Variants in HIBCH observed in about 807,000 individuals in gnomAD.
HIBCH encodes the protein 3-hydroxyisobutyryl-CoA hydrolase, mitochondrial.
In HIBCH, 50 loss-of-function variants were observed where a neutral mutation model predicts 58.2. That is an observed-to-expected ratio of 0.86 (90% CI 0.68 to 1.09). The LOEUF (loss-of-function observed/expected upper bound fraction) is 1.09, where lower values mean the gene tolerates loss of function less well. Ranked by LOEUF, HIBCH falls within the 50% of genes least tolerant of loss-of-function variation. The probability of loss-of-function intolerance (pLI) is 0.00; values close to 1 mark genes in which losing one functional copy is unlikely to be tolerated. For synonymous variants in HIBCH, 151 were observed against 146.9 expected (o/e 1.03, Z -0.20); for missense variants, 450 against 449.7 (o/e 1.00, Z -0.01).
At chr2:190,196,183 A>C (rs1298749807) in intron 1 of HIBCH, among the ~76,000 whole-genome samples, 3 of 151,958 alleles carry the variant, frequency 2.0e-5, no homozygotes, top group Non-Finnish European at 2.9e-5. Context: ...TTCTGGGTTA[A>C]ACGTATCTAA....
At chr2:190,310,821 A>C in intron 1 of HIBCH, 25 bp from the exon 2 acceptor site, 1 of 1,546,832 alleles carries the variant, frequency 6.5e-7, no homozygotes, top group Middle Eastern at 1.7e-4. Flanking sequence ...GAAAACAATG[A>C]GAACAGTAAT....
intron 6 of HIBCH, among the ~76,000 whole-genome samples, chr2:190,274,114 T>C (rs563539324): frequency 1.3e-5 from 2 of 152,364 alleles, no homozygotes; most frequent in East Asian, 3.9e-4. Context: ...TCAGGTTCCA[T>C]ACTAAGTAAA....
intron 11 of HIBCH, among the ~76,000 whole-genome samples, chr2:190,235,040 G>C (rs1028496596): frequency 6.6e-6 from 1 of 152,174 alleles, no homozygotes; most frequent in African/African-American, 2.4e-5. Context: ...TTACGAGACT[G>C]AGTGAAGGGG....
intron 1 of HIBCH, among the ~76,000 whole-genome samples, chr2:190,311,735 A>T (rs1688563119): frequency 1.3e-5 from 2 of 152,252 alleles, no homozygotes; most frequent in African/African-American, 4.8e-5. Context: ...TATTTTAAAG[A>T]CTGTGTCTAT....
chr2:190,259,361 G>GTGTGTGTT (rs1553501630), intron 7 of HIBCH, among the ~76,000 whole-genome samples: 2 of 142,342 alleles, frequency 1.4e-5, no homozygotes. Flanking sequence ...GTGTGTGTGT[G>GTGTGTGTT]TGTGTGTCTG....
intron 11 of HIBCH, among the ~76,000 whole-genome samples, chr2:190,231,067 T>C (rs1199402680): frequency 2.6e-5 from 4 of 152,204 alleles, no homozygotes; most frequent in Non-Finnish European, 4.4e-5. Flanking sequence ...CTATCTACAA[T>C]GTCATTTGAT....
Position 190,246,146 on chromosome 2 carries a change from T to C in HIBCH, c.809+8A>G, listed in dbSNP as rs1325425180. On this transcript the variant is annotated splice_region_variant and intron_variant, in intron 10 of 13. Coordinates refer to ENST00000359678, the MANE Select transcript of HIBCH (RefSeq NM_014362.4). Reference sequence around the variant, plus strand: ...AGGAATATATAACTGAGATCTCTTTTTAGGTACCTGTTTATTTTGTCCATG... The same window carrying C: ...AGGAATATATAACTGAGATCTCTTTCTAGGTACCTGTTTATTTTGTCCATG... The C allele has an allele frequency of 1.3e-6, 2 of 1,505,256 alleles. No homozygotes were observed. Among genetic ancestry groups the C allele is most frequent in the East Asian group, 2.3e-5 (1 of 44,248 alleles). 93.2% of individuals were successfully genotyped at this position (1,505,256 alleles called of 1,614,324 possible).
chr2:190,196,429 T>C (rs1689979525), intron 1 of HIBCH, among the ~76,000 whole-genome samples: 1 of 152,106 alleles, frequency 6.6e-6, no homozygotes. Flanking sequence ...TGAGATTCTT[T>C]TTTTGTTCAC....
chr2:190,314,967 A>G lies in HIBCH; in HGVS notation c.36-4171T>C, dbSNP rs542035098. ...ACCTCTCCGCTCCTTTTTTTTTTTG[A>G]GCCTGAGTCTCTCTCTGTCGCCCAG... On this transcript the variant is annotated intron_variant, in intron 1 of 13. Transcript: ENST00000359678. 9.0e-4 allele frequency among the ~76,000 whole-genome samples: 135 copies of G among 149,650 alleles called. 1 individual carries two copies. The highest frequency in any genetic ancestry group is 3.4e-3 in the Middle Eastern group (1 of 290).
intron 10 of HIBCH, among the ~76,000 whole-genome samples, chr2:190,245,755 C>T (rs1220711519): frequency 4.6e-5 from 7 of 152,126 alleles, no homozygotes; most frequent in African/African-American, 1.2e-4. Context: ...TTTGTGAGGG[C>T]GAGGAGGGTG....
intron 1 of HIBCH, among the ~76,000 whole-genome samples, chr2:190,313,515 T>G (rs1436170017): frequency 6.6e-6 from 1 of 152,136 alleles, no homozygotes; most frequent in Non-Finnish European, 1.5e-5. Flanking sequence ...ATAAATCTTT[T>G]GCCTCCGTGC....
intron 6 of HIBCH, among the ~76,000 whole-genome samples, chr2:190,274,138 T>C (rs1013266361): frequency 2.6e-5 from 4 of 152,224 alleles, no homozygotes; most frequent in Non-Finnish European, 5.9e-5. Flanking sequence ...AATGTTGTTA[T>C]GAAAAACCCG....
At chr2:190,264,599 A>G (rs926891884) in intron 6 of HIBCH, among the ~76,000 whole-genome samples, 1 of 152,166 alleles carries the variant, frequency 6.6e-6, no homozygotes, top group Admixed American at 6.5e-5. Context: ...TGTTTGTGAG[A>G]TTTTATGTTC....
chr2:190,217,752 G>A lies in HIBCH; in HGVS notation c.892-4677C>T, dbSNP rs779220694. Among the ~76,000 whole-genome samples, 8 of 152,236 alleles carry A rather than the reference G, an allele frequency of 5.3e-5. No individual in the cohort carries two copies. The highest frequency in any genetic ancestry group is 2.1e-4 in the South Asian group (1 of 4,832). On this transcript the variant is annotated intron_variant, in intron 11 of 13. Coordinates refer to ENST00000359678, the MANE Select transcript of HIBCH (RefSeq NM_014362.4). The surrounding 1 kb of genome is among the most constrained non-coding windows in gnomAD (Gnocchi z 4.6). ...TGCTCCACCCAAGCTGGGAAAGTCC[G>A]TAACAAGTGCTCCTAATCACTAAAA...
intron 2 of HIBCH, among the ~76,000 whole-genome samples, chr2:190,300,355 T>C (rs1688228297): frequency 6.6e-6 from 1 of 152,170 alleles, no homozygotes; most frequent in African/African-American, 2.4e-5. Context: ...ACAATAGCCA[T>C]TCTGACTGGT....
intron 1 of HIBCH, chr2:190,311,116 T>C (rs1259879204): frequency 1.9e-5 from 9 of 480,546 alleles, no homozygotes; most frequent in Non-Finnish European, 3.5e-5. Context: ...AAAGAGCTAT[T>C]ATGCCACAAA....
At chr2:190,192,493 T>C (rs1033910874) in intron 1 of HIBCH, among the ~76,000 whole-genome samples, 1 of 151,182 alleles carries the variant, frequency 6.6e-6, no homozygotes, top group Admixed American at 6.6e-5. Context: ...TGTGTGTGTA[T>C]CTATATATCT....
downstream of HIBCH, chr2:190,202,391 G>A (rs1305542986): frequency 6.0e-6 from 1 of 166,836 alleles, no homozygotes; most frequent in African/African-American, 2.4e-5. Context: ...TGAGCTAGTG[G>A]ATAAATCAAG....
chr2:190,289,908 C>T (rs760744230), intron 5 of HIBCH, among the ~76,000 whole-genome samples: 18 of 152,148 alleles, frequency 1.2e-4, no homozygotes, highest in Non-Finnish European at 1.8e-4. Flanking sequence ...GACGGAGTCT[C>T]GCTTTGTTGC....
Sources: allele counts gnomAD v4.1 joint callset (sites outside exome capture counted in the v4.1 genomes callset), GRCh38; gene constraint gnomAD v4.1.1; non-coding constraint Gnocchi (gnomAD v3.1); transcripts MANE v1.5; gene names NCBI Gene and HGNC (gene_info 2026-07-23, HGNC 2026-07-21).